The following LHX4 variants were observed in gnomAD, a reference collection of about 807,000 sequenced individuals.
LHX4 encodes LIM homeobox 4, also known as LIM/homeobox protein Lhx4.
In LHX4, 16 loss-of-function variants were observed where a neutral mutation model predicts 39.2. The ratio of observed to expected loss-of-function variants is 0.41; its 90% CI spans 0.28 to 0.62. The LOEUF is 0.62. Among genes scored for constraint, LHX4 ranks in the 20% least tolerant of loss-of-function variants. The pLI, the probability that LHX4 is intolerant of heterozygous loss-of-function variation, is 0.33. For missense variants in LHX4, 439 were observed against 511.9 expected, an observed-to-expected ratio of 0.86 and a Z score of 1.37; for synonymous variants, 206 against 198.1, an observed-to-expected ratio of 1.04 and a Z score of -0.33.
chr1:180,235,245 GT>G (rs1664287851), intron 1 of LHX4, among the ~76,000 whole-genome samples: 1 of 152,246 alleles, frequency 6.6e-6, no homozygotes, highest in Admixed American at 6.5e-5. Flanking sequence ...GTTCGCGCCC[GT>G]TTTCGGAGCT....
intron 2 of LHX4, among the ~76,000 whole-genome samples, chr1:180,257,504 G>A (rs1462716278): frequency 6.6e-6 from 1 of 152,160 alleles, no homozygotes; most frequent in Non-Finnish European, 1.5e-5. Flanking sequence ...GTCTGTGTCT[G>A]GAGAAGGCTG....
At chr1:180,243,345 G>T (rs1052839664) in intron 1 of LHX4, among the ~76,000 whole-genome samples, 12 of 152,080 alleles carry the variant, frequency 7.9e-5, no homozygotes, top group Admixed American at 2.6e-4. Context: ...GGAGGCCAAG[G>T]TAGTCTTCCT....
chr1:180,267,012 C>A (rs1010892724), intron 3 of LHX4, among the ~76,000 whole-genome samples: 1 of 152,172 alleles, frequency 6.6e-6, no homozygotes, highest in African/African-American at 2.4e-5. Flanking sequence ...CTCTCAGCAG[C>A]CCCTGCCTCA....
At chr1:180,241,456 A>G (rs1664443855) in intron 1 of LHX4, among the ~76,000 whole-genome samples, 1 of 152,206 alleles carries the variant, frequency 6.6e-6, no homozygotes, top group Admixed American at 6.5e-5. Context: ...GCAACTGGCT[A>G]TGAGACAGTG....
rs1228372650 is a variant in LHX4, at chr1:180,278,978, C to G, written c.*4399C>G. The stretch of plus-strand genomic sequence containing the variant: ...ATTATGTAAAATAAATATGGAAATT[C>G]TTTAGATGCTGATGTGTCTTGCTTT... On this transcript the variant is annotated 3_prime_UTR_variant, in exon 6 of 6. Transcript: ENST00000263726. 6.6e-6 allele frequency: 1 copy of G among 152,062 alleles called. No individual in the cohort carries two copies. The highest frequency in any genetic ancestry group is 1.5e-5 in the Non-Finnish European group (1 of 68,016). 9.4% of individuals were successfully genotyped at this position (152,062 alleles called of 1,614,324 possible). A position where few individuals can be genotyped will look rare whatever the true frequency, so the allele number is the denominator to read the frequency against.
chr1:180,248,636 A>G, intron 2 of LHX4, 180 bp downstream of exon 2: 1 of 701,656 alleles, frequency 1.4e-6, no homozygotes, highest in East Asian at 2.7e-5. Flanking sequence ...TCACTGGCCC[A>G]TCACTGCCAG....
intron 1 of LHX4, among the ~76,000 whole-genome samples, chr1:180,233,863 A>G (rs573693760): frequency 6.6e-6 from 1 of 151,922 alleles, no homozygotes; most frequent in South Asian, 2.1e-4. Flanking sequence ...GCTCTGGCGA[A>G]CCCCGAAGCT....
At chr1:180,256,979 T>C (rs1211099125) in intron 2 of LHX4, among the ~76,000 whole-genome samples, 1 of 152,254 alleles carries the variant, frequency 6.6e-6, no homozygotes, top group Non-Finnish European at 1.5e-5. Context: ...ATGAGATGCC[T>C]CGCATGAAGT....
At position 180,230,499 on chromosome 1, in the gene LHX4, T is replaced by C; in HGVS notation, c.-31T>C. On this transcript the variant is annotated 5_prime_UTR_variant, in exon 1 of 6. Transcript: ENST00000263726. The surrounding 1 kb of genome is among the most constrained non-coding windows in gnomAD (Gnocchi z 5.8). The stretch of plus-strand genomic sequence containing the variant: ...AGAGCGAGAGAGCGAGAGATCTCCG[T>C]AGACTGCGACTCGCTGGCTTTCGCT... 1 of 1,589,866 alleles carries C rather than the reference T, an allele frequency of 6.3e-7. No homozygotes were observed. The highest frequency in any genetic ancestry group is 1.7e-5 in the Admixed American group (1 of 59,794).
At chr1:180,273,583 AAAG>A (rs1166698170) in intron 5 of LHX4, 5 of 152,538 alleles carry the variant, frequency 3.3e-5, no homozygotes, top group African/African-American at 1.2e-4. Context: ...CTTTAAGAAA[AAAG>A]AAGGTTCATT....
chr1:180,265,326 C>T (rs1049056740), intron 2 of LHX4, among the ~76,000 whole-genome samples: 3 of 152,192 alleles, frequency 2.0e-5, no homozygotes, highest in African/African-American at 7.2e-5. Flanking sequence ...CCTTGCTTTC[C>T]CAATGCCTCC....
chr1:180,242,719 T>G (rs1664470521), intron 1 of LHX4, among the ~76,000 whole-genome samples: 1 of 152,186 alleles, frequency 6.6e-6, no homozygotes, highest in African/African-American at 2.4e-5. Flanking sequence ...GGGACATTAC[T>G]TTTTTGTTTC....
chr1:180,239,213 T>TGATGC (rs1479959606), intron 1 of LHX4, among the ~76,000 whole-genome samples: 3 of 152,212 alleles, frequency 2.0e-5, no homozygotes, highest in Non-Finnish European at 2.9e-5. Context: ...TAGAATTAGT[T>TGATGC]ATTCCCCGAC....
At position 180,230,612 on chromosome 1, in the gene LHX4, C is replaced by T. The variant is rs1332158479; in HGVS notation, c.76+7C>T. 6.2e-7 allele frequency: 1 copy of T among 1,611,532 alleles called. No individual in the cohort carries two copies. On this transcript the variant is annotated splice_region_variant and intron_variant, in intron 1 of 5. Transcript: ENST00000263726. This position sits in a 1 kb window ranked among gnomAD's most constrained non-coding sequence, Gnocchi z 5.8. The stretch of plus-strand genomic sequence containing the variant: ...CTAGGTGTGCCGATGCAACGTAAGA[C>T]ACCCCCCTTTCTCGCTGATTTAATT...
intron 5 of LHX4, chr1:180,273,279 TC>T (rs1305949968): frequency 1.3e-5 from 2 of 152,298 alleles, no homozygotes; most frequent in African/African-American, 4.8e-5. Flanking sequence ...GAGGGCAGCC[TC>T]CTCTGAGAAC....
In LHX4 at chr1:180,274,865, G is replaced by C. The variant is rs80203153; in HGVS notation, c.*286G>C. On this transcript the variant is annotated 3_prime_UTR_variant, in exon 6 of 6. Coordinates refer to ENST00000263726, the MANE Select transcript of LHX4 (RefSeq NM_033343.4). ...GGTCTCTCCCCTGCTGTTCTGCTTA[G>C]GGGCTTGGCTGCTCAGTGCTTTGGT... The C allele has an allele frequency of 4.5e-3, 1,499 of 333,422 alleles. 20 individuals carry two copies. Among genetic ancestry groups the C allele is most frequent in the African/African-American group, 0.028 (1,354 of 48,798 alleles). The allele number at this position is 333,422 out of a possible 1,614,324, so 20.7% of individuals were successfully genotyped here.
chr1:180,270,985 A>G, intron 3 of LHX4: 1 of 313,344 alleles, frequency 3.2e-6, no homozygotes, highest in East Asian at 8.3e-5. Flanking sequence ...GCGACTTTGA[A>G]CATGACTTCA....
At chr1:180,271,655 C>G in intron 4 of LHX4, 121 bp downstream of exon 4, 5 of 1,401,228 alleles carry the variant, frequency 3.6e-6, no homozygotes, top group Non-Finnish European at 5.0e-6. Flanking sequence ...AGGGCTTTTG[C>G]CAGAACTGAA....
intron 2 of LHX4, among the ~76,000 whole-genome samples, chr1:180,259,726 G>C (rs972249326): frequency 2.0e-5 from 3 of 151,724 alleles, no homozygotes; most frequent in African/African-American, 4.9e-5. Flanking sequence ...GCAGGGTCCA[G>C]GGTGTGTGGG....
Sources: gnomAD v4.1 joint callset for allele counts (sites outside exome capture counted in the v4.1 genomes callset) on GRCh38, gnomAD v4.1.1 for gene constraint, Gnocchi (gnomAD v3.1) non-coding constraint, MANE v1.5 for transcripts, NCBI Gene and HGNC (gene_info 2026-07-23, HGNC 2026-07-21) for gene names.